The following EHMT1 variants were observed in gnomAD, a reference collection of about 807,000 sequenced individuals.
The protein encoded by EHMT1 is euchromatic histone lysine methyltransferase 1.
In EHMT1, 15 loss-of-function variants were observed where a neutral mutation model predicts 147.2. That is an observed-to-expected ratio of 0.10 (90% CI 0.07 to 0.16). The LOEUF is 0.16. Ranked by LOEUF, EHMT1 falls within the 10% of genes least tolerant of loss-of-function variation. EHMT1 has a pLI of 1.00. For missense variants in EHMT1, 1,587 were observed against 1,772.4 expected, an observed-to-expected ratio of 0.90 and a Z score of 1.88; for synonymous variants, 795 against 709.6, an observed-to-expected ratio of 1.12 and a Z score of -1.91.
At chr9:137,654,401 A>C (rs1163007075) in intron 1 of EHMT1, among the ~76,000 whole-genome samples, 1 of 142,928 alleles carries the variant, frequency 7.0e-6, no homozygotes, top group Non-Finnish European at 1.5e-5. Flanking sequence ...CCAAAAAAAA[A>C]AGAGAAAAAT....
chr9:137,740,041 G>A (rs1208652850), intron 4 of EHMT1, among the ~76,000 whole-genome samples: 1 of 152,146 alleles, frequency 6.6e-6, no homozygotes, highest in Non-Finnish European at 1.5e-5. Flanking sequence ...TGTTTCCCGT[G>A]CACTTGCTTT....
At position 137,715,547 on chromosome 9, in the gene EHMT1, C is replaced by A. The variant is rs181369603; in HGVS notation, c.86-1079C>A. Reference sequence around the variant, plus strand: ...AAGAACAGAGCCAGGAAGGAGGGCACTGGGCGGTGGCATCTCAGGCTTGAC... The same window carrying A: ...AAGAACAGAGCCAGGAAGGAGGGCAATGGGCGGTGGCATCTCAGGCTTGAC... On this transcript the variant is annotated intron_variant, in intron 2 of 26. Transcript: ENST00000460843. 7.8e-4 allele frequency: 772 copies of A among 985,398 alleles called. 6 individuals are homozygous for A. In the African/African-American group the frequency reaches 0.01, roughly 13 times the overall value. The allele number at this position is 985,398 out of a possible 1,614,324, so 61.0% of individuals were successfully genotyped here.
intron 17 of EHMT1, among the ~76,000 whole-genome samples, chr9:137,800,194 C>T (rs1953340898): frequency 6.6e-6 from 1 of 152,188 alleles, no homozygotes; most frequent in Non-Finnish European, 1.5e-5. Flanking sequence ...AGGAATTGGC[C>T]ATATGACCCT....
At chr9:137,725,702 C>T (rs935839586) in intron 3 of EHMT1, among the ~76,000 whole-genome samples, 2 of 152,106 alleles carry the variant, frequency 1.3e-5, no homozygotes, top group African/African-American at 2.4e-5. Context: ...GCAAGATGCG[C>T]TCGAGAGACA....
intron 1 of EHMT1, among the ~76,000 whole-genome samples, chr9:137,699,265 T>C (rs1037113055): frequency 2.0e-5 from 3 of 152,268 alleles, no homozygotes; most frequent in African/African-American, 4.8e-5. Context: ...TTAACTGTTA[T>C]GACACATTAT....
rs563779232 is a variant in EHMT1 at position 137,713,066 on chromosome 9, C to T, written c.85+2036C>T. On this transcript the variant is annotated intron_variant, in intron 2 of 26. Transcript: ENST00000460843. ...CCTCATTGAATTGTTCTTGCACCCT[C>T]GTTGAAAATCAGTTGGCTTTAAATG... 1.5e-4 allele frequency among the ~76,000 whole-genome samples: 23 copies of T among 152,152 alleles called. No individual in the cohort carries two copies. The East Asian group carries it at 3.3e-3, about 22-fold the overall frequency.
Position 137,631,080 on chromosome 9 carries a change from A to G in EHMT1, c.21+12031A>G, listed in dbSNP as rs557923037. On this transcript the variant is annotated intron_variant, in intron 1 of 26. Transcript: ENST00000460843. ...TTTTTTGAGCATATAGGACAGTTAC[A>G]TGGTTCAAAATTGAAAAAGTATGGC... Among the ~76,000 whole-genome samples, 9 of 152,266 alleles carry G rather than the reference A, an allele frequency of 5.9e-5. No individual in the cohort carries two copies. In the South Asian group the frequency reaches 1.2e-3, roughly 21 times the overall value.
At chr9:137,766,268 G>A (rs980319267) in intron 10 of EHMT1, among the ~76,000 whole-genome samples, 1 of 152,134 alleles carries the variant, frequency 6.6e-6, no homozygotes, top group East Asian at 1.9e-4. Flanking sequence ...GTTTCAAAAT[G>A]GTGCTGATTT....
At chr9:137,632,220 A>T (rs1393610408) in intron 1 of EHMT1, among the ~76,000 whole-genome samples, 4 of 152,144 alleles carry the variant, frequency 2.6e-5, no homozygotes, top group African/African-American at 9.7e-5. Flanking sequence ...GGGTTCGATG[A>T]CTTTACCATG....
intron 25 of EHMT1, among the ~76,000 whole-genome samples, chr9:137,825,226 A>G (rs1357727578): frequency 2.0e-5 from 3 of 152,202 alleles, no homozygotes; most frequent in Non-Finnish European, 1.5e-5. Context: ...GCCAGAAGCA[A>G]GTCACGCTCA....
intron 6 of EHMT1, among the ~76,000 whole-genome samples, chr9:137,752,087 A>G (rs555635516): frequency 1.3e-5 from 2 of 152,368 alleles, no homozygotes; most frequent in South Asian, 4.1e-4. Context: ...ATGTGGAGAC[A>G]GGACCGGGGA....
chr9:137,795,435 A>ACACACACACACACACT (rs1554887527), intron 16 of EHMT1, among the ~76,000 whole-genome samples: 1 of 132,550 alleles, frequency 7.5e-6, no homozygotes, highest in South Asian at 2.4e-4. Context: ...ACACTCTCAC[A>ACACACACACACACACT]CTCACATACA....
chr9:137,765,624 G>A (rs975173701), intron 10 of EHMT1, among the ~76,000 whole-genome samples: 7 of 151,698 alleles, frequency 4.6e-5, no homozygotes, highest in African/African-American at 7.3e-5. Flanking sequence ...GTGGAGAAGC[G>A]GAGCCTGACC....
At chr9:137,789,838 T>G (rs1237981045) in intron 15 of EHMT1, among the ~76,000 whole-genome samples, 1 of 152,268 alleles carries the variant, frequency 6.6e-6, no homozygotes, top group Admixed American at 6.5e-5. Context: ...CAAGCAACTC[T>G]CCTGCCTCAG....
intron 2 of EHMT1, among the ~76,000 whole-genome samples, chr9:137,711,481 T>C (rs1299118320): frequency 1.3e-5 from 2 of 152,012 alleles, no homozygotes; most frequent in African/African-American, 2.4e-5. Flanking sequence ...ATGAAGCTTT[T>C]GTACGGTTTG....
At chr9:137,742,034 A>G (rs980294308) in intron 4 of EHMT1, among the ~76,000 whole-genome samples, 3 of 152,140 alleles carry the variant, frequency 2.0e-5, no homozygotes, top group Non-Finnish European at 2.9e-5. Context: ...TCAGCCTGTT[A>G]TAGTGTGGAC....
At chr9:137,712,431 C>T (rs564087007) in intron 2 of EHMT1, among the ~76,000 whole-genome samples, 1 of 152,304 alleles carries the variant, frequency 6.6e-6, no homozygotes, top group East Asian at 1.9e-4. Flanking sequence ...GCAGAGGGCT[C>T]CAGGTTCTCC....
chr9:137,625,840 A>T (rs528524492), intron 1 of EHMT1, among the ~76,000 whole-genome samples: 7 of 150,054 alleles, frequency 4.7e-5, no homozygotes, highest in East Asian at 3.9e-4. Context: ...TTATATATAT[A>T]TTTTTTGTTT....
intron 1 of EHMT1, among the ~76,000 whole-genome samples, chr9:137,661,951 C>T (rs886091908): frequency 6.6e-6 from 1 of 151,978 alleles, no homozygotes; most frequent in Non-Finnish European, 1.5e-5. Context: ...TACACGCATG[C>T]GCCACCATGC....
Sources: gnomAD v4.1 joint callset for allele counts (sites outside exome capture counted in the v4.1 genomes callset) on GRCh38, gnomAD v4.1.1 for gene constraint, MANE v1.5 for transcripts, NCBI Gene and HGNC (gene_info 2026-07-23, HGNC 2026-07-21) for gene names.